MAGI2: variants seen among roughly 807,000 people sequenced by gnomAD.
The protein encoded by MAGI2 is membrane-associated guanylate kinase, WW and PDZ domain-containing protein 2.
A neutral mutation model predicts 133.3 loss-of-function variants in MAGI2; 35 were observed. That is an observed-to-expected ratio of 0.26 (90% confidence interval 0.20 to 0.35). The LOEUF (loss-of-function observed/expected upper bound fraction) is 0.35. Among genes scored for constraint, MAGI2 ranks in the 10% least tolerant of loss-of-function variants. The pLI, the probability that MAGI2 is intolerant of heterozygous loss-of-function variation, is 1.00. For synonymous variants in MAGI2, 729 were observed against 710.6 expected (o/e 1.03, Z -0.41); for missense variants, 1,636 against 1,863.4 (o/e 0.88, Z 2.25).
chr7:79,399,545 G>A (rs10260696), intron 1 of MAGI2, among the ~76,000 whole-genome samples: 4 of 152,050 alleles, frequency 2.6e-5, no homozygotes, highest in South Asian at 4.1e-4. Flanking sequence ...TATAGGAAAT[G>A]CACACCCTAG....
chr7:78,103,696 T>C (rs1397216457), intron 20 of MAGI2, among the ~76,000 whole-genome samples: 4 of 152,262 alleles, frequency 2.6e-5, no homozygotes, highest in African/African-American at 9.6e-5. Flanking sequence ...CTGCATATTC[T>C]AGAAATGTTT....
intron 1 of MAGI2, among the ~76,000 whole-genome samples, chr7:79,031,653 T>C (rs1810587708): frequency 6.6e-6 from 1 of 152,306 alleles, no homozygotes; most frequent in Admixed American, 6.5e-5. Context: ...TTTTATGTAT[T>C]GATTAAAGGT....
chr7:79,408,490 A>G (rs1028414986), intron 1 of MAGI2, among the ~76,000 whole-genome samples: 1 of 152,108 alleles, frequency 6.6e-6, no homozygotes, highest in Non-Finnish European at 1.5e-5. Flanking sequence ...CAAAAGAAAA[A>G]AAAGAGAAGC....
At chr7:79,207,093 A>G (rs150673245) in intron 1 of MAGI2, among the ~76,000 whole-genome samples, 1 of 152,050 alleles carries the variant, frequency 6.6e-6, no homozygotes, top group African/African-American at 2.4e-5. Flanking sequence ...GCCATACATG[A>G]CAAACTCACA....
At chr7:78,708,158 C>T (rs1216540922) in intron 2 of MAGI2, among the ~76,000 whole-genome samples, 2 of 152,130 alleles carry the variant, frequency 1.3e-5, no homozygotes, top group African/African-American at 4.8e-5. Flanking sequence ...TCTTATTTAA[C>T]AGTCATAAAT....
chr7:78,066,610 G>A lies in MAGI2; in HGVS notation c.3706+12337C>T, dbSNP rs190114869. ...GTTGTGCTCTGAAACCAACCTCTTC[G>A]TGGTGGTCTTGGTCTGAATCTAGCT... On this transcript the variant is annotated intron_variant, in intron 21 of 21. Coordinates refer to ENST00000354212, the MANE Select transcript of MAGI2 (RefSeq NM_012301.4). Among the ~76,000 whole-genome samples, 11 of 152,212 alleles carry A rather than the reference G, an allele frequency of 7.2e-5. No individual in the cohort carries two copies. The South Asian group carries it at 1.2e-3, about 17-fold the overall frequency.
intron 1 of MAGI2, among the ~76,000 whole-genome samples, chr7:79,288,419 A>T (rs1356776795): frequency 6.6e-6 from 1 of 152,164 alleles, no homozygotes; most frequent in Non-Finnish European, 1.5e-5. Context: ...TTCTACTGCA[A>T]TTTTTTAAAC....
intron 1 of MAGI2, among the ~76,000 whole-genome samples, chr7:79,158,016 A>C (rs1035451003): frequency 6.6e-6 from 1 of 150,908 alleles, no homozygotes; most frequent in Non-Finnish European, 1.5e-5. Context: ...TTTTATGTTT[A>C]ATTGGCAGTT....
At chr7:79,227,320 T>G (rs949001063) in intron 1 of MAGI2, among the ~76,000 whole-genome samples, 2 of 152,164 alleles carry the variant, frequency 1.3e-5, no homozygotes, top group African/African-American at 4.8e-5. Context: ...ATGTAAATTC[T>G]CTCCATGCGG....
intron 4 of MAGI2, among the ~76,000 whole-genome samples, chr7:78,510,650 A>G (rs1158184167): frequency 6.6e-6 from 1 of 152,206 alleles, no homozygotes; most frequent in East Asian, 1.9e-4. Context: ...TTTCTTCCTC[A>G]ATAGAGACAT....
chr7:78,333,114 T>C (rs1050905098), intron 9 of MAGI2, among the ~76,000 whole-genome samples: 1 of 152,248 alleles, frequency 6.6e-6, no homozygotes, highest in Admixed American at 6.5e-5. Context: ...TTTTAAAAAT[T>C]GAATTCCTAT....
At chr7:78,463,803 A>T (rs1790330703) in intron 6 of MAGI2, among the ~76,000 whole-genome samples, 1 of 152,170 alleles carries the variant, frequency 6.6e-6, no homozygotes, top group Non-Finnish European at 1.5e-5. Flanking sequence ...GTTTTAGTCA[A>T]TGTTGGATTT....
At chr7:78,427,785 C>T (rs945892662) in intron 6 of MAGI2, among the ~76,000 whole-genome samples, 6 of 151,954 alleles carry the variant, frequency 3.9e-5, no homozygotes, top group Non-Finnish European at 7.4e-5. Context: ...TTTCCAATCT[C>T]TCTGTATTGG....
intron 9 of MAGI2, among the ~76,000 whole-genome samples, chr7:78,296,624 G>A (rs899762967): frequency 4.0e-5 from 6 of 151,888 alleles, no homozygotes; most frequent in African/African-American, 7.3e-5. Context: ...TATTTTTTTC[G>A]GTGAATAAAC....
chr7:78,252,828 CT>C (rs1410547098), intron 10 of MAGI2: 1 of 151,716 alleles, frequency 6.6e-6, no homozygotes, highest in Non-Finnish European at 1.5e-5. Flanking sequence ...GTAATCCCAG[CT>C]ACTCAGGAGG....
intron 2 of MAGI2, among the ~76,000 whole-genome samples, chr7:78,858,068 A>G (rs1374728506): frequency 6.6e-6 from 1 of 152,122 alleles, no homozygotes; most frequent in African/African-American, 2.4e-5. Context: ...CTCTGATGGT[A>G]GTTTGTATTT....
At chr7:79,437,775 T>C (rs1321584762) in intron 1 of MAGI2, among the ~76,000 whole-genome samples, 1 of 152,110 alleles carries the variant, frequency 6.6e-6, no homozygotes, top group Non-Finnish European at 1.5e-5. Context: ...TTGTCAAAGA[T>C]GGAATTTTTA....
chr7:78,425,766 G>A (rs1799220993), intron 6 of MAGI2, among the ~76,000 whole-genome samples: 1 of 152,192 alleles, frequency 6.6e-6, no homozygotes, highest in Non-Finnish European at 1.5e-5. Flanking sequence ...TTAGAAATAA[G>A]AATGATTCCT....
At chr7:78,368,391 G>C (rs1474649134) in intron 7 of MAGI2, among the ~76,000 whole-genome samples, 1 of 152,084 alleles carries the variant, frequency 6.6e-6, no homozygotes, top group Non-Finnish European at 1.5e-5. Flanking sequence ...TGGATTTCTT[G>C]GGTAGTATTT....
Sources: gnomAD v4.1 joint callset for allele counts (sites outside exome capture counted in the v4.1 genomes callset) on GRCh38, gnomAD v4.1.1 for gene constraint, MANE v1.5 for transcripts, NCBI Gene and HGNC (gene_info 2026-07-23, HGNC 2026-07-21) for gene names.